HS6ST3: variants seen among roughly 807,000 people sequenced by gnomAD.
HS6ST3 encodes heparan-sulfate 6-O-sulfotransferase 3.
A neutral mutation model predicts 36.7 loss-of-function variants in HS6ST3; 12 were observed. That is an observed-to-expected ratio of 0.33 (90% CI 0.21 to 0.53). The LOEUF (loss-of-function observed/expected upper bound fraction) is 0.53, where lower values mean the gene tolerates loss of function less well. Ranked by LOEUF, HS6ST3 falls within the 20% of genes least tolerant of loss-of-function variation. HS6ST3 has a pLI of 0.95. For synonymous variants in HS6ST3, 240 were observed against 257.5 expected (o/e 0.93, Z 0.65); for missense variants, 584 against 640.9 (o/e 0.91, Z 0.96).
At chr13:96,272,950 T>C (rs2054728446) in intron 1 of HS6ST3, among the ~76,000 whole-genome samples, 1 of 151,966 alleles carries the variant, frequency 6.6e-6, no homozygotes, top group Admixed American at 6.6e-5. Context: ...CTTCAAGAGT[T>C]AGCACTAAGT....
intron 1 of HS6ST3, among the ~76,000 whole-genome samples, chr13:96,405,435 G>T (rs1199333948): frequency 6.6e-6 from 1 of 152,140 alleles, no homozygotes; most frequent in Non-Finnish European, 1.5e-5. Flanking sequence ...GGAAGGCCTG[G>T]AAGGAAAGGT....
intron 1 of HS6ST3, among the ~76,000 whole-genome samples, chr13:96,385,190 AAAAAAG>A (rs1399421033): frequency 2.4e-4 from 37 of 152,120 alleles, no homozygotes; most frequent in Admixed American, 5.2e-4. Context: ...CAAAAAAAAA[AAAAAAG>A]AAAAGATTTT....
intron 1 of HS6ST3, among the ~76,000 whole-genome samples, chr13:96,183,472 C>T (rs767696223): frequency 6.6e-6 from 1 of 152,012 alleles, no homozygotes; most frequent in Non-Finnish European, 1.5e-5. Flanking sequence ...AAATTATCCC[C>T]CACCCCCTTC....
intron 1 of HS6ST3, among the ~76,000 whole-genome samples, chr13:96,362,501 G>T (rs2055243374): frequency 2.0e-5 from 3 of 152,120 alleles, no homozygotes; most frequent in African/African-American, 7.2e-5. Context: ...GCAATAGGAA[G>T]CTCTCCTTTA....
intron 1 of HS6ST3, among the ~76,000 whole-genome samples, chr13:96,239,005 A>G (rs578058814): frequency 6.6e-6 from 1 of 152,322 alleles, no homozygotes; most frequent in South Asian, 2.1e-4. Flanking sequence ...AAATGATTGT[A>G]TCTTCTCACG....
intron 1 of HS6ST3, among the ~76,000 whole-genome samples, chr13:96,467,246 G>A (rs533712744): frequency 6.6e-6 from 1 of 152,138 alleles, no homozygotes; most frequent in Admixed American, 6.5e-5. Context: ...TATTCTATGG[G>A]AAGCTATCTC....
intron 1 of HS6ST3, among the ~76,000 whole-genome samples, chr13:96,530,502 TC>T (rs1320829906): frequency 6.6e-6 from 1 of 150,516 alleles, no homozygotes; most frequent in East Asian, 1.9e-4. Context: ...CTTTTTTCTT[TC>T]CCTTTTTTTT....
In HS6ST3 at chr13:96,834,961, C is replaced by T. The variant is rs1878890722; in HGVS notation, c.*1763C>T. 1 of 152,434 alleles carries T rather than the reference C, an allele frequency of 6.6e-6. No homozygotes were observed. Among genetic ancestry groups the T allele is most frequent in the African/African-American group, 2.4e-5 (1 of 41,400 alleles). The allele number at this position is 152,434 out of a possible 1,614,324, so 9.4% of individuals were successfully genotyped here. On this transcript the variant is annotated 3_prime_UTR_variant, in exon 2 of 2. Transcript: ENST00000376705. ...CTTGCTCCAGGAACTGAACGAGGCC[C>T]TTTTCATACCTTAAATATATTCTGC... is the stretch of plus-strand genomic sequence containing the variant.
intron 1 of HS6ST3, among the ~76,000 whole-genome samples, chr13:96,474,423 A>G (rs4426214): frequency 0.32 from 48,991 of 152,044 alleles, 9,465 homozygotes; most frequent in African/African-American, 0.52. Flanking sequence ...AAGGATGACA[A>G]ATCCCTTAGA....
At chr13:96,504,153 C>CT (rs2138915070) in intron 1 of HS6ST3, among the ~76,000 whole-genome samples, 2 of 152,210 alleles carry the variant, frequency 1.3e-5, no homozygotes, top group African/African-American at 4.8e-5. Flanking sequence ...GTTCATAGCA[C>CT]TTAGGAAGTA....
intron 1 of HS6ST3, among the ~76,000 whole-genome samples, chr13:96,122,873 A>G (rs942316223): frequency 6.6e-6 from 1 of 152,182 alleles, no homozygotes; most frequent in African/African-American, 2.4e-5. Flanking sequence ...CACACCTACT[A>G]ACAGCTTTAG....
chr13:96,354,197 A>G (rs2055198361), intron 1 of HS6ST3, among the ~76,000 whole-genome samples: 1 of 152,202 alleles, frequency 6.6e-6, no homozygotes, highest in Non-Finnish European at 1.5e-5. Flanking sequence ...TATTAAAGAG[A>G]GTTAGCTGAC....
chr13:96,286,847 ACCTTATTAAGGTATAATTAATAATTATG>A (rs577934517), intron 1 of HS6ST3, among the ~76,000 whole-genome samples: 1 of 151,890 alleles, frequency 6.6e-6, no homozygotes, highest in Non-Finnish European at 1.5e-5. Context: ...CCTTAATTAT[ACCTTATTAAGGTATAATTAATAATTATG>A]CCTTAGGTGA....
At chr13:96,344,489 A>G (rs940380147) in intron 1 of HS6ST3, among the ~76,000 whole-genome samples, 6 of 152,204 alleles carry the variant, frequency 3.9e-5, no homozygotes, top group Non-Finnish European at 7.3e-5. Flanking sequence ...GTATCATATG[A>G]TAGTATCTTG....
chr13:96,222,652 C>T (rs1202428281), intron 1 of HS6ST3, among the ~76,000 whole-genome samples: 4 of 152,222 alleles, frequency 2.6e-5, no homozygotes, highest in Admixed American at 6.5e-5. Flanking sequence ...TCAGGCCTAT[C>T]GCCCTGACAG....
chr13:96,462,844 C>T (rs2055791804), intron 1 of HS6ST3, among the ~76,000 whole-genome samples: 1 of 152,086 alleles, frequency 6.6e-6, no homozygotes, highest in African/African-American at 2.4e-5. Context: ...TAGATGCTAG[C>T]ACCAAGAATT....
chr13:96,483,837 A>G (rs1356530666), intron 1 of HS6ST3, among the ~76,000 whole-genome samples: 1 of 152,128 alleles, frequency 6.6e-6, no homozygotes, highest in Non-Finnish European at 1.5e-5. Context: ...AAGGTCATCT[A>G]GGTTTTCTCT....
At chr13:96,546,583 C>G (rs999363104) in intron 1 of HS6ST3, among the ~76,000 whole-genome samples, 1 of 152,112 alleles carries the variant, frequency 6.6e-6, no homozygotes. Flanking sequence ...TGCCTAACAT[C>G]GTTTTAAAAT....
intron 1 of HS6ST3, among the ~76,000 whole-genome samples, chr13:96,233,947 C>G (rs2054520013): frequency 6.6e-6 from 1 of 151,950 alleles, no homozygotes; most frequent in African/African-American, 2.4e-5. Flanking sequence ...CACAAAGAAG[C>G]CAGGGAGAGG....
Sources: gnomAD v4.1 joint callset for allele counts (sites outside exome capture counted in the v4.1 genomes callset) on GRCh38, gnomAD v4.1.1 for gene constraint, MANE v1.5 for transcripts, NCBI Gene and HGNC (gene_info 2026-07-23, HGNC 2026-07-21) for gene names.